The following RGS22 variants were observed in gnomAD, a reference collection of about 807,000 sequenced individuals.
RGS22 encodes the protein regulator of G protein signaling 22.
In RGS22, 148 loss-of-function variants were observed where a neutral mutation model predicts 172.9. That is an observed-to-expected ratio of 0.86 (90% CI 0.75 to 0.98). The LOEUF (loss-of-function observed/expected upper bound fraction) is 0.98. Among genes scored for constraint, RGS22 ranks in the 50% least tolerant of loss-of-function variants. RGS22 has a pLI of 0.00. For missense variants in RGS22, 1,347 were observed against 1,440.8 expected, an observed-to-expected ratio of 0.93 and a Z score of 1.05; for synonymous variants, 458 against 480.2, an observed-to-expected ratio of 0.95 and a Z score of 0.60.
At position 100,075,363 on chromosome 8, in the gene RGS22, C is replaced by G. The variant is rs893692326; in HGVS notation, c.340-3133G>C. ...GCCTCCCTACTCTCTCCCTTGCTAC[C>G]TCTCTTGCCATGTGATATTCCTGCT... On this transcript the variant is annotated intron_variant, in intron 4 of 27. Transcript: ENST00000360863. Among the ~76,000 whole-genome samples the G allele has an allele frequency of 6.1e-4, 93 of 152,170 alleles. 4 individuals carry two copies. Among genetic ancestry groups the G allele is most frequent in the Admixed American group, 6.5e-5 (1 of 15,276 alleles).
At chr8:99,965,503 G>C in intron 23 of RGS22, 73 bp from the exon 24 acceptor site, 1 of 1,086,958 alleles carries the variant, frequency 9.2e-7, no homozygotes, top group Non-Finnish European at 1.4e-6. Context: ...TGGCTAAGGA[G>C]TTATAACATC....
intron 2 of RGS22, among the ~76,000 whole-genome samples, chr8:100,098,307 G>T (rs1305398743): frequency 1.3e-5 from 2 of 152,060 alleles, no homozygotes; most frequent in African/African-American, 4.8e-5. Context: ...GAAACCTAAA[G>T]AGAAAAGACT....
chr8:100,042,489 G>A (rs1820244841), intron 11 of RGS22, among the ~76,000 whole-genome samples: 1 of 152,212 alleles, frequency 6.6e-6, no homozygotes, highest in Non-Finnish European at 1.5e-5. Flanking sequence ...TCCTCACAGA[G>A]GTGAGATTCA....
chr8:100,008,496 A>C lies in RGS22; in HGVS notation c.2240T>G (p.Ile747Ser). 1 of 1,613,392 alleles carries C rather than the reference A, an allele frequency of 6.2e-7. No homozygotes were observed. ...IGLQQEKKKE[I>S]YMKIQPPFED... The stretch of plus-strand genomic sequence containing the variant: ...AAATGGTGGCTGTATTTTCATATAA[A>C]TTTCTTTTTTCTTTTCCTGTTGGAG... Residue 747 changes from isoleucine to serine, a missense_variant, in exon 15 of 28, where the codon ATT becomes AGT. Physicochemically the swap from Ile to Ser is moderately radical, Grantham distance 142. Transcript: ENST00000360863.
chr8:100,005,942 C>A, intron 16 of RGS22, 75 bp downstream of exon 16: 2 of 1,010,908 alleles, frequency 2.0e-6, no homozygotes, highest in Non-Finnish European at 1.5e-6. Context: ...CTACAATCTC[C>A]CCCTGCCCCA....
At chr8:99,982,208 G>T (rs1481846681) in intron 21 of RGS22, 92 bp from the exon 22 acceptor site, 2 of 982,350 alleles carry the variant, frequency 2.0e-6, no homozygotes, top group Non-Finnish European at 2.9e-6. Context: ...ATTAATATAT[G>T]CATTTCAACT....
intron 3 of RGS22, among the ~76,000 whole-genome samples, chr8:100,085,021 AC>A (rs1180450743): frequency 6.6e-6 from 1 of 152,216 alleles, no homozygotes; most frequent in Non-Finnish European, 1.5e-5. Context: ...ACTAGAAACT[AC>A]CCAGAGAAAC....
chr8:100,047,654 A>G, intron 10 of RGS22, 58 bp from the exon 11 acceptor site: 1 of 1,457,504 alleles, frequency 6.9e-7, no homozygotes, highest in Non-Finnish European at 9.1e-7. Context: ...ACAGCTCTGC[A>G]CCTATACCTC....
intron 3 of RGS22, among the ~76,000 whole-genome samples, chr8:100,088,007 T>C (rs1173134771): frequency 6.6e-6 from 1 of 152,142 alleles, no homozygotes; most frequent in Admixed American, 6.6e-5. Context: ...TATCAACACC[T>C]GTAAAAATCA....
intron 23 of RGS22, 23 bp downstream of exon 23, chr8:99,977,894 A>C: frequency 6.5e-7 from 1 of 1,542,434 alleles, no homozygotes; most frequent in Non-Finnish European, 8.7e-7. Flanking sequence ...GTCTGATAAA[A>C]CCCAAAATGA....
At chr8:100,077,408 A>G (rs1257846947) in intron 4 of RGS22, among the ~76,000 whole-genome samples, 2 of 152,206 alleles carry the variant, frequency 1.3e-5, no homozygotes, top group Non-Finnish European at 2.9e-5. Context: ...ATTTAGTTGC[A>G]TCCCACAAAT....
At chr8:99,993,998 G>A (rs1204491783) in intron 20 of RGS22, among the ~76,000 whole-genome samples, 1 of 152,138 alleles carries the variant, frequency 6.6e-6, no homozygotes. Context: ...CACATAAACA[G>A]AAACAATCAC....
chr8:100,029,702 CAAAAAAAAAAAAAA>C (rs369058108), intron 14 of RGS22, among the ~76,000 whole-genome samples: 1 of 62,016 alleles, frequency 1.6e-5, no homozygotes, highest in African/African-American at 5.3e-5. Flanking sequence ...AACTCCGTCT[CAAAAAAAAAAAAAA>C]AAAAAAAGAA....
At position 100,062,750 on chromosome 8, in the gene RGS22, T is replaced by G; in HGVS notation, c.1355A>C (p.His452Pro). The change falls in exon 9 of 28, where the codon CAT becomes CCT. Residue 452 changes from histidine to proline, a missense_variant and splice_region_variant. Transcript: ENST00000360863. Reference sequence around the variant, plus strand: ...ATAGCATTTTTTCATCTTCTCAAGATGTCTGAAATAAAACACATTTCCATA... The same window carrying G: ...ATAGCATTTTTTCATCTTCTCAAGAGGTCTGAAATAAAACACATTTCCATA... The part of the protein sequence containing the change: ...VLKDPGRHQR[H>P]LEKMKKCYLV... 6.3e-7 allele frequency: 1 copy of G among 1,596,042 alleles called. No individual in the cohort carries two copies. The highest frequency in any genetic ancestry group is 8.5e-7 in the Non-Finnish European group (1 of 1,172,628).
intron 22 of RGS22, among the ~76,000 whole-genome samples, chr8:99,979,627 T>C (rs1276019643): frequency 6.6e-6 from 1 of 152,190 alleles, no homozygotes; most frequent in Admixed American, 6.5e-5. Context: ...GCTACACTGA[T>C]ACAATGCTAA....
At chr8:99,988,742 A>G (rs1184008762) in intron 20 of RGS22, among the ~76,000 whole-genome samples, 1 of 152,198 alleles carries the variant, frequency 6.6e-6, no homozygotes, top group Non-Finnish European at 1.5e-5. Flanking sequence ...TGGAAACTGA[A>G]AAGTGAAGGC....
intron 21 of RGS22, among the ~76,000 whole-genome samples, chr8:99,985,716 T>C (rs1161277472): frequency 6.6e-6 from 1 of 152,184 alleles, no homozygotes; most frequent in East Asian, 1.9e-4. Flanking sequence ...TCATGCTATA[T>C]TGTAGAAAAG....
Position 100,066,220 on chromosome 8 carries a change from G to A in RGS22, c.671C>T (p.Pro224Leu). The A allele has an allele frequency of 6.2e-7, 1 of 1,612,604 alleles. No homozygotes were observed. Among genetic ancestry groups the A allele is most frequent in the South Asian group, 1.1e-5 (1 of 91,034 alleles). ...SQQTVSTFSL[P>L]CCVPYNKLKS... Reference sequence around the variant, plus strand: ...AAGTTTGTTGTAGGGTACACAACAGGGTAACGAAAAGGTTGATACTGTTTG... The same window carrying A: ...AAGTTTGTTGTAGGGTACACAACAGAGTAACGAAAAGGTTGATACTGTTTG... Residue 224 changes from proline (P) to leucine (L), a missense_variant, in exon 7 of 28, where the codon CCC becomes CTC. Transcript: ENST00000360863.
chr8:100,064,117 G>A, intron 7 of RGS22, 74 bp from the exon 8 acceptor site: 3 of 1,144,260 alleles, frequency 2.6e-6, no homozygotes, highest in South Asian at 4.2e-5. Context: ...AGATGCTATA[G>A]AGCCAGAATG....
Sources: allele counts gnomAD v4.1 joint callset (sites outside exome capture counted in the v4.1 genomes callset), GRCh38; gene constraint gnomAD v4.1.1; transcripts MANE v1.5; gene names NCBI Gene and HGNC (gene_info 2026-07-23, HGNC 2026-07-21).